The following TENM3 variants were observed in gnomAD, a reference collection of about 807,000 sequenced individuals.
TENM3 encodes the protein teneurin-3.
In TENM3, 63 loss-of-function variants were observed where a neutral mutation model predicts 255.1. The observed-to-expected ratio is 0.25, with a 90% CI of 0.20 to 0.30. The LOEUF (loss-of-function observed/expected upper bound fraction) is 0.30, where lower values mean the gene tolerates loss of function less well. TENM3 is among the 10% of genes least tolerant of loss of function. The pLI, the probability that TENM3 is intolerant of heterozygous loss-of-function variation, is 1.00. For synonymous variants in TENM3, 1,306 were observed against 1,322.3 expected, an observed-to-expected ratio of 0.99 and a Z score of 0.27; for missense variants, 2,929 against 3,461.1, an observed-to-expected ratio of 0.85 and a Z score of 3.86.
the TENM3 span, among the ~76,000 whole-genome samples, chr4:181,880,797 G>C: frequency 6.6e-6 from 1 of 152,042 alleles, no homozygotes; most frequent in Non-Finnish European, 1.5e-5. Context: ...AGTTCACCTG[G>C]CAAATGACAA....
At chr4:181,842,974 A>T in the TENM3 span, among the ~76,000 whole-genome samples, 1 of 152,322 alleles carries the variant, frequency 6.6e-6, no homozygotes, top group South Asian at 2.1e-4. Context: ...TTTGTTACAA[A>T]CAGATTCCAT....
At chr4:181,465,891 C>T in the TENM3 span, among the ~76,000 whole-genome samples, 1 of 152,122 alleles carries the variant, frequency 6.6e-6, no homozygotes. Flanking sequence ...TAGGTCCCGC[C>T]GTGCCACTGT....
chr4:181,634,779 A>C, the TENM3 span, among the ~76,000 whole-genome samples: 1 of 152,210 alleles, frequency 6.6e-6, no homozygotes, highest in Non-Finnish European at 1.5e-5. Context: ...TTCACAAAAC[A>C]ATTCAGTCGT....
intron 3 of TENM3, among the ~76,000 whole-genome samples, chr4:182,491,933 G>A (rs1029025889): frequency 5.9e-5 from 9 of 152,200 alleles, no homozygotes; most frequent in African/African-American, 2.2e-4. Context: ...TCCAGGTAAA[G>A]TGCACCTGCT....
At chr4:182,763,528 C>G (rs1278175975) in intron 22 of TENM3, among the ~76,000 whole-genome samples, 2 of 151,150 alleles carry the variant, frequency 1.3e-5, no homozygotes, top group African/African-American at 4.9e-5. Flanking sequence ...TCGTGCCAGC[C>G]TGGGCGACAG....
At chr4:181,514,188 A>G in the TENM3 span, among the ~76,000 whole-genome samples, 2 of 152,178 alleles carry the variant, frequency 1.3e-5, no homozygotes, top group African/African-American at 4.8e-5. Context: ...ACTCTCACCT[A>G]TAACTCCGAC....
the TENM3 span, among the ~76,000 whole-genome samples, chr4:181,828,762 G>A: frequency 6.6e-6 from 1 of 152,096 alleles, no homozygotes; most frequent in African/African-American, 2.4e-5. Flanking sequence ...CTAATTTTTT[G>A]TATTTTTAAT....
chr4:182,247,560 G>C (rs1321838935), intron 1 of TENM3, among the ~76,000 whole-genome samples: 2 of 152,158 alleles, frequency 1.3e-5, no homozygotes, highest in East Asian at 3.9e-4. Flanking sequence ...GTTAGGCAAG[G>C]ACAGCTTTAA....
chr4:182,217,646 G>A (rs1399672493), intron 1 of TENM3, among the ~76,000 whole-genome samples: 1 of 152,172 alleles, frequency 6.6e-6, no homozygotes, highest in African/African-American at 2.4e-5. Flanking sequence ...GAGGCCTGGA[G>A]ATATCAAATC....
At chr4:182,473,534 G>T (rs772703138) in intron 3 of TENM3, among the ~76,000 whole-genome samples, 1 of 152,134 alleles carries the variant, frequency 6.6e-6, no homozygotes, top group Non-Finnish European at 1.5e-5. Context: ...TTAGCCAGGC[G>T]TGGTGGCGGG....
chr4:182,761,969 C>T (rs1579386034), intron 22 of TENM3, among the ~76,000 whole-genome samples: 1 of 152,180 alleles, frequency 6.6e-6, no homozygotes, highest in Admixed American at 6.5e-5. Flanking sequence ...AACCTGAACA[C>T]TATGAAGGCA....
intron 3 of TENM3, among the ~76,000 whole-genome samples, chr4:182,466,876 A>G (rs1484299307): frequency 2.1e-5 from 3 of 142,626 alleles, no homozygotes; most frequent in Admixed American, 1.4e-4. Flanking sequence ...TTCCTTTCCC[A>G]TTCCTTAGGG....
intron 2 of TENM3, among the ~76,000 whole-genome samples, chr4:182,346,237 A>C (rs1277703245): frequency 6.6e-6 from 1 of 152,194 alleles, no homozygotes; most frequent in Non-Finnish European, 1.5e-5. Flanking sequence ...AAGGAGTGAC[A>C]TCTGGGTGGG....
the TENM3 span, among the ~76,000 whole-genome samples, chr4:181,491,954 T>A: frequency 6.6e-6 from 1 of 152,182 alleles, no homozygotes; most frequent in East Asian, 1.9e-4. Flanking sequence ...TTTCATCAAT[T>A]CTCCTATTCT....
chr4:181,655,077 G>T, the TENM3 span, among the ~76,000 whole-genome samples: 3 of 152,208 alleles, frequency 2.0e-5, no homozygotes, highest in Non-Finnish European at 1.5e-5. Flanking sequence ...TTGGGAGGAA[G>T]CCCTGGAACC....
At chr4:182,353,506 G>A (rs115778375) in intron 3 of TENM3, among the ~76,000 whole-genome samples, 1 of 152,162 alleles carries the variant, frequency 6.6e-6, no homozygotes, top group African/African-American at 2.4e-5. Flanking sequence ...ACAAAATGCC[G>A]TCAAATAGTT....
intron 3 of TENM3, among the ~76,000 whole-genome samples, chr4:182,540,405 C>G (rs1740748731): frequency 6.6e-6 from 1 of 152,088 alleles, no homozygotes; most frequent in East Asian, 1.9e-4. Flanking sequence ...GCCTGACCAA[C>G]ATGGAGAAAC....
chr4:181,465,554 A>AT, the TENM3 span, among the ~76,000 whole-genome samples: 1 of 152,218 alleles, frequency 6.6e-6, no homozygotes, highest in African/African-American at 2.4e-5. Context: ...AATTATGAAA[A>AT]TATGCAAAAA....
chr4:181,929,053 G>A, the TENM3 span, among the ~76,000 whole-genome samples: 20 of 152,026 alleles, frequency 1.3e-4, no homozygotes, highest in Admixed American at 3.9e-4. Flanking sequence ...ACGAAAAACC[G>A]GTACCAGCCA....
Sources: allele counts gnomAD v4.1 joint callset (sites outside exome capture counted in the v4.1 genomes callset), GRCh38; gene constraint gnomAD v4.1.1; transcripts MANE v1.5; gene names NCBI Gene and HGNC (gene_info 2026-07-23, HGNC 2026-07-21).